The following ARFIP1 variants were observed in gnomAD, a reference collection of about 807,000 sequenced individuals.
ARFIP1 encodes ARF interacting protein 1.
In ARFIP1, 24 loss-of-function variants were observed where a neutral mutation model predicts 42.5. The ratio of observed to expected loss-of-function variants is 0.57; its 90% confidence interval spans 0.41 to 0.80. The LOEUF (loss-of-function observed/expected upper bound fraction) is 0.80, where lower values mean the gene tolerates loss of function less well. Among genes scored for constraint, ARFIP1 ranks in the 30% least tolerant of loss-of-function variants. The pLI is 0.00. For missense variants in ARFIP1, 354 were observed against 434.0 expected (o/e 0.82, Z 1.64); for synonymous variants, 141 against 153.7 (o/e 0.92, Z 0.61).
At chr4:152,795,349 A>G (rs1199106009) in intron 1 of ARFIP1, among the ~76,000 whole-genome samples, 1 of 152,086 alleles carries the variant, frequency 6.6e-6, no homozygotes, top group African/African-American at 2.4e-5. Context: ...GATTTTCCTC[A>G]TTCTTTATTT....
chr4:152,781,327 C>T (rs1730484081), intron 1 of ARFIP1, among the ~76,000 whole-genome samples: 1 of 151,568 alleles, frequency 6.6e-6, no homozygotes, highest in South Asian at 2.1e-4. Flanking sequence ...CGTCCACCTC[C>T]CAGGCTCAAG....
At chr4:152,907,894 AT>A (rs1738502434) in intron 8 of ARFIP1, among the ~76,000 whole-genome samples, 3 of 152,148 alleles carry the variant, frequency 2.0e-5, no homozygotes, top group Admixed American at 6.5e-5. Flanking sequence ...TCTATGGCAG[AT>A]TCTTAGCGGT....
In ARFIP1 at chr4:152,880,948, A is replaced by C; in HGVS notation, c.412-15A>C. 6.3e-7 allele frequency: 1 copy of C among 1,590,430 alleles called. No individual in the cohort carries two copies. The highest frequency in any genetic ancestry group is 8.6e-7 in the Non-Finnish European group (1 of 1,163,166). Reference sequence around the variant, plus strand: ...TGTTTTTTCTTTCTAAACAAAATGCATCTTCCACTTTTAGTGTACTCGACA... The same window carrying C: ...TGTTTTTTCTTTCTAAACAAAATGCCTCTTCCACTTTTAGTGTACTCGACA... On this transcript the variant is annotated splice_polypyrimidine_tract_variant and intron_variant, in intron 5 of 8. Coordinates refer to ENST00000353617, the MANE Select transcript of ARFIP1 (RefSeq NM_001025595.3).
At chr4:152,787,992 G>A (rs1730909732) in intron 1 of ARFIP1, among the ~76,000 whole-genome samples, 1 of 152,056 alleles carries the variant, frequency 6.6e-6, no homozygotes, top group African/African-American at 2.4e-5. Context: ...TTGGGTGGCC[G>A]AGGTGGGTGG....
At chr4:152,887,127 T>C (rs138153230) in intron 7 of ARFIP1, among the ~76,000 whole-genome samples, 10 of 152,140 alleles carry the variant, frequency 6.6e-5, no homozygotes, top group African/African-American at 2.4e-4. Context: ...GTCACTTTGC[T>C]TCTTCTTTGC....
At chr4:152,790,616 T>C (rs1032686111) in intron 1 of ARFIP1, among the ~76,000 whole-genome samples, 2 of 152,212 alleles carry the variant, frequency 1.3e-5, no homozygotes, top group African/African-American at 4.8e-5. Flanking sequence ...ATAGGCATAG[T>C]TGAAAATCTG....
intron 1 of ARFIP1, among the ~76,000 whole-genome samples, chr4:152,792,336 A>G (rs953859823): frequency 6.6e-6 from 1 of 152,228 alleles, no homozygotes; most frequent in South Asian, 2.1e-4. Context: ...ATAAAAATTC[A>G]GTAAATTTCT....
intron 5 of ARFIP1, among the ~76,000 whole-genome samples, chr4:152,875,012 T>C (rs183081633): frequency 6.7e-4 from 102 of 152,268 alleles, no homozygotes; most frequent in African/African-American, 2.3e-3. Flanking sequence ...TTTGGTCCTC[T>C]CTCTTTCATG....
intron 2 of ARFIP1, among the ~76,000 whole-genome samples, chr4:152,847,289 C>T (rs552863688): frequency 3.3e-5 from 5 of 151,636 alleles, no homozygotes; most frequent in Admixed American, 2.0e-4. Context: ...TGTGCCACCA[C>T]GCCCGGCTAA....
chr4:152,863,481 G>A (rs1161927579), intron 2 of ARFIP1, 125 bp from the exon 3 acceptor site: 7 of 563,538 alleles, frequency 1.2e-5, no homozygotes, highest in East Asian at 6.1e-5. Context: ...GATAGCATAA[G>A]GGAATACCGC....
At position 152,910,086 on chromosome 4, in the gene ARFIP1, T is replaced by A. The variant is rs959910783; in HGVS notation, c.989T>A (p.Leu330Gln). Residue 330 changes from leucine (L) to glutamine (Q), a missense_variant, in exon 9 of 9, where the codon CTG becomes CAG. Physicochemically the swap from Leu to Gln is moderately radical, Grantham distance 113. Transcript: ENST00000353617. ...CAGGTTAAAGTATTGCACAATCAGC[T>A]GGTCCTTTTCCACAATGCCATTGCC... ...ENKVKVLHNQ[L>Q]VLFHNAIAAY... 6.2e-7 allele frequency: 1 copy of A among 1,614,110 alleles called. No homozygotes were observed. Among genetic ancestry groups the A allele is most frequent in the African/African-American group, 1.3e-5 (1 of 74,946 alleles).
intron 1 of ARFIP1, among the ~76,000 whole-genome samples, chr4:152,808,316 T>TTG: frequency 7.6e-6 from 1 of 130,870 alleles, no homozygotes; most frequent in African/African-American, 2.8e-5. Flanking sequence ...TTTTTTTTTT[T>TTG]TGTAGCAGTA....
chr4:152,888,342 C>G, intron 8 of ARFIP1, 35 bp downstream of exon 8: 1 of 1,449,606 alleles, frequency 6.9e-7, no homozygotes, highest in Non-Finnish European at 9.3e-7. Context: ...TTTCTGTGGA[C>G]TTTGAAGTCA....
intron 8 of ARFIP1, among the ~76,000 whole-genome samples, chr4:152,907,923 G>A (rs1171258389): frequency 6.6e-6 from 1 of 152,066 alleles, no homozygotes; most frequent in African/African-American, 2.4e-5. Flanking sequence ...CAGTTCCATA[G>A]GGCATTTATA....
At chr4:152,808,285 T>TTTTTTTTTTTTTTG (rs1729159904) in intron 1 of ARFIP1, among the ~76,000 whole-genome samples, 1 of 74,750 alleles carries the variant, frequency 1.3e-5, no homozygotes, top group Non-Finnish European at 2.7e-5. Flanking sequence ...TGGCCTCCAT[T>TTTTTTTTTTTTTTG]TTTTTTTTTT....
At chr4:152,819,105 G>A (rs1395148034) in intron 1 of ARFIP1, among the ~76,000 whole-genome samples, 1 of 152,132 alleles carries the variant, frequency 6.6e-6, no homozygotes, top group Non-Finnish European at 1.5e-5. Flanking sequence ...ACCTGAGGCA[G>A]CAGAGTACCT....
At chr4:152,896,022 CAT>C (rs1737292500) in intron 8 of ARFIP1, among the ~76,000 whole-genome samples, 1 of 151,926 alleles carries the variant, frequency 6.6e-6, no homozygotes. Context: ...ATAGAAATGT[CAT>C]GTGTGTATAC....
chr4:152,884,633 T>C, intron 7 of ARFIP1, among the ~76,000 whole-genome samples: 1 of 152,010 alleles, frequency 6.6e-6, no homozygotes, highest in East Asian at 1.9e-4. Context: ...TATATTTTCG[T>C]TAATAATAAT....
intron 5 of ARFIP1, among the ~76,000 whole-genome samples, chr4:152,877,073 C>T (rs1735414787): frequency 1.3e-5 from 2 of 152,162 alleles, no homozygotes; most frequent in African/African-American, 4.8e-5. Context: ...ATCGTGCGAT[C>T]AGAGCCCCCC....
Sources: allele counts gnomAD v4.1 joint callset (sites outside exome capture counted in the v4.1 genomes callset), GRCh38; gene constraint gnomAD v4.1.1; transcripts MANE v1.5; gene names NCBI Gene and HGNC (gene_info 2026-07-23, HGNC 2026-07-21).